Variants in MACROD2 observed in about 807,000 individuals in gnomAD.
MACROD2 encodes the protein mono-ADP ribosylhydrolase 2, also known as ADP-ribose glycohydrolase MACROD2.
A neutral mutation model predicts 70.4 loss-of-function variants in MACROD2; 36 were observed. That is an observed-to-expected ratio of 0.51 (90% CI 0.39 to 0.68). The LOEUF is 0.68. MACROD2 is among the 30% of genes least tolerant of loss of function. MACROD2 has a pLI of 0.00. For synonymous variants in MACROD2, 172 were observed against 178.8 expected, an observed-to-expected ratio of 0.96 and a Z score of 0.30; for missense variants, 496 against 538.4, an observed-to-expected ratio of 0.92 and a Z score of 0.78.
Position 15,716,369 on chromosome 20 carries a change from G to A in MACROD2, c.646-146376G>A, listed in dbSNP as rs996729136. Among the ~76,000 whole-genome samples the A allele has an allele frequency of 3.9e-4, 60 of 152,132 alleles. 2 individuals carry two copies. The highest frequency in any genetic ancestry group is 2.4e-5 in the African/African-American group (1 of 41,434). On this transcript the variant is annotated intron_variant, in intron 8 of 17. Transcript: ENST00000684519. ...AGTGTAAGGTGTTTAAGACATGGTC[G>A]ATTCTAGATATGTGTTCGCATTTTG...
chr20:15,876,496 C>T (rs990562408), intron 9 of MACROD2, among the ~76,000 whole-genome samples: 4 of 152,104 alleles, frequency 2.6e-5, no homozygotes, highest in Non-Finnish European at 5.9e-5. Flanking sequence ...ACCACATTTT[C>T]TTAATCCAGT....
intron 5 of MACROD2, among the ~76,000 whole-genome samples, chr20:15,082,551 A>G (rs2075713452): frequency 7.8e-6 from 1 of 128,612 alleles, no homozygotes; most frequent in Non-Finnish European, 1.6e-5. Context: ...TTTTTTCCTA[A>G]GCTGAAGATA....
chr20:15,164,050 GA>G (rs1171335494), intron 5 of MACROD2, among the ~76,000 whole-genome samples: 6 of 151,360 alleles, frequency 4.0e-5, no homozygotes, highest in South Asian at 2.1e-4. Flanking sequence ...TCAATGTTAA[GA>G]AAAAAAATCA....
At chr20:14,544,566 A>G (rs542151290) in intron 4 of MACROD2, among the ~76,000 whole-genome samples, 3 of 152,246 alleles carry the variant, frequency 2.0e-5, no homozygotes, top group Non-Finnish European at 2.9e-5. Context: ...TATTGTTGCA[A>G]TGATGATGAT....
chr20:14,058,008 C>G (rs980170497), intron 2 of MACROD2, among the ~76,000 whole-genome samples: 3 of 151,936 alleles, frequency 2.0e-5, no homozygotes, highest in African/African-American at 7.3e-5. Flanking sequence ...CAAAAGCAGG[C>G]AAAACTGGTT....
chr20:14,996,146 T>C (rs2074947221), intron 5 of MACROD2, among the ~76,000 whole-genome samples: 1 of 152,190 alleles, frequency 6.6e-6, no homozygotes, highest in Non-Finnish European at 1.5e-5. Flanking sequence ...CAGCTTGAAG[T>C]TGCACACATC....
chr20:15,839,336 G>T (rs567097015), intron 8 of MACROD2, among the ~76,000 whole-genome samples: 1 of 152,164 alleles, frequency 6.6e-6, no homozygotes, highest in Admixed American at 6.5e-5. Flanking sequence ...CTATATCCTT[G>T]CCATGGTCTC....
intron 3 of MACROD2, among the ~76,000 whole-genome samples, chr20:14,386,019 A>G (rs2083464167): frequency 2.2e-5 from 3 of 138,064 alleles, no homozygotes; most frequent in South Asian, 6.3e-4. Context: ...ATGAGCCAAT[A>G]CAGCGTATTT....
chr20:15,115,998 T>G (rs373316849), intron 5 of MACROD2, among the ~76,000 whole-genome samples: 181 of 152,270 alleles, frequency 1.2e-3, no homozygotes, highest in South Asian at 4.8e-3. Context: ...AGAATAAAAT[T>G]AAAAATAAGA....
At chr20:15,128,287 G>C (rs1177951998) in intron 5 of MACROD2, among the ~76,000 whole-genome samples, 3 of 151,992 alleles carry the variant, frequency 2.0e-5, no homozygotes, top group Non-Finnish European at 4.4e-5. Flanking sequence ...CCATATGATG[G>C]CTGGTATTTT....
chr20:14,489,610 A>G (rs1305004699), intron 3 of MACROD2, among the ~76,000 whole-genome samples: 9 of 152,318 alleles, frequency 5.9e-5, no homozygotes, highest in African/African-American at 2.2e-4. Flanking sequence ...AGAAAGCAGA[A>G]TAAATAAACT....
intron 4 of MACROD2, among the ~76,000 whole-genome samples, chr20:14,531,112 G>A (rs989701978): frequency 5.3e-5 from 8 of 152,178 alleles, no homozygotes; most frequent in African/African-American, 1.9e-4. Flanking sequence ...GGTAGGAGGA[G>A]GAGGGATGGA....
chr20:15,967,377 T>C (rs1004979567), intron 12 of MACROD2, among the ~76,000 whole-genome samples, 176 bp from the exon 13 acceptor site: 1 of 151,956 alleles, frequency 6.6e-6, no homozygotes, highest in Non-Finnish European at 1.5e-5. Flanking sequence ...ATATCTCACA[T>C]AGTATGGGGG....
At chr20:15,666,849 T>G (rs945532226) in intron 8 of MACROD2, among the ~76,000 whole-genome samples, 1 of 151,592 alleles carries the variant, frequency 6.6e-6, no homozygotes, top group Non-Finnish European at 1.5e-5. Context: ...ACCTTTACAG[T>G]TGAGTATTTC....
rs1290057481 is a variant in MACROD2 at position 14,751,808 on chromosome 20, T to A, written c.418+66849T>A. On this transcript the variant is annotated intron_variant, in intron 5 of 17. Transcript: ENST00000684519. ...ACAAAAGAAACTATACTCCACTGAT[T>A]TTTGTGGGTGAAACTGCAAAGTCAC... 2.0e-5 allele frequency among the ~76,000 whole-genome samples: 3 copies of A among 150,240 alleles called. No homozygotes were observed. In the Admixed American group the frequency reaches 2.0e-4, roughly 10 times the overall value.
intron 5 of MACROD2, among the ~76,000 whole-genome samples, chr20:14,742,490 AAGAC>A (rs1266421771): frequency 6.6e-5 from 10 of 152,206 alleles, no homozygotes; most frequent in South Asian, 2.1e-4. Context: ...TTTTGAGAGA[AAGAC>A]AGAGAATAGT....
intron 3 of MACROD2, among the ~76,000 whole-genome samples, chr20:14,350,194 G>A (rs980010780): frequency 7.9e-5 from 12 of 152,228 alleles, no homozygotes; most frequent in African/African-American, 1.9e-4. Context: ...AAACATGAGC[G>A]TGCAAATATT....
chr20:15,175,503 A>G (rs2145894470), intron 5 of MACROD2, among the ~76,000 whole-genome samples: 2 of 152,290 alleles, frequency 1.3e-5, no homozygotes, highest in Non-Finnish European at 2.9e-5. Context: ...ATGAATAGTC[A>G]TTTTACCACC....
Position 14,812,165 on chromosome 20 carries a change from T to C in MACROD2, c.418+127206T>C, listed in dbSNP as rs184398829. Among the ~76,000 whole-genome samples the C allele has an allele frequency of 6.5e-3, 982 of 152,142 alleles. 11 individuals carry two copies. The highest frequency in any genetic ancestry group is 0.031 in the Middle Eastern group (9 of 294). On this transcript the variant is annotated intron_variant, in intron 5 of 17. Coordinates refer to ENST00000684519, the MANE Select transcript of MACROD2 (RefSeq NM_001351661.2). Reference sequence around the variant, plus strand: ...CAGCACTATTCACAATTGCAAAGGCTTGGAACCCACCCAAATGTTCATCAA... The same window carrying C: ...CAGCACTATTCACAATTGCAAAGGCCTGGAACCCACCCAAATGTTCATCAA...
Sources: gnomAD v4.1 joint callset for allele counts (sites outside exome capture counted in the v4.1 genomes callset) on GRCh38, gnomAD v4.1.1 for gene constraint, MANE v1.5 for transcripts, NCBI Gene and HGNC (gene_info 2026-07-23, HGNC 2026-07-21) for gene names.